Variants in EPHA3 observed in about 807,000 individuals in gnomAD.
EPHA3 encodes EPH receptor A3, also known as ephrin type-A receptor 3.
A neutral mutation model predicts 107.1 loss-of-function variants in EPHA3; 42 were observed. That is an observed-to-expected ratio of 0.39 (90% CI 0.31 to 0.51). EPHA3 has a LOEUF of 0.51. Among genes scored for constraint, EPHA3 ranks in the 20% least tolerant of loss-of-function variants. The pLI is 0.78. For synonymous variants in EPHA3, 461 were observed against 424.8 expected (o/e 1.09, Z -1.05); for missense variants, 1,183 against 1,211.2 (o/e 0.98, Z 0.35).
chr3:89,429,221 G>A (rs1709514435), intron 12 of EPHA3, 54 bp downstream of exon 12: 1 of 1,370,030 alleles, frequency 7.3e-7, no homozygotes, highest in African/African-American at 1.4e-5. Flanking sequence ...GAAAACATTA[G>A]AGACACCCTC....
At chr3:89,315,283 T>A (rs1036293381) in intron 3 of EPHA3, among the ~76,000 whole-genome samples, 17 of 151,842 alleles carry the variant, frequency 1.1e-4, no homozygotes, top group African/African-American at 3.9e-4. Flanking sequence ...TATCTTATAA[T>A]GACAGTGTAT....
At chr3:89,376,069 A>G (rs2107477690) in intron 5 of EPHA3, among the ~76,000 whole-genome samples, 1 of 152,052 alleles carries the variant, frequency 6.6e-6, no homozygotes, top group Non-Finnish European at 1.5e-5. Context: ...TACTTTAATA[A>G]TTTTTACTAA....
intron 3 of EPHA3, among the ~76,000 whole-genome samples, chr3:89,315,029 C>T (rs867402788): frequency 8.6e-5 from 13 of 151,896 alleles, no homozygotes; most frequent in Middle Eastern, 3.4e-3. Flanking sequence ...GAAATAATAA[C>T]ACACTGGTAT....
intron 3 of EPHA3, among the ~76,000 whole-genome samples, chr3:89,325,018 C>T (rs1161442952): frequency 6.6e-6 from 1 of 152,132 alleles, no homozygotes; most frequent in East Asian, 1.9e-4. Context: ...CATGTTGCTG[C>T]AAAGGACATG....
chr3:89,450,275 G>C lies in EPHA3; in HGVS notation c.2595G>C (p.Arg865Ser), dbSNP rs554106434. Reference sequence around the variant, plus strand: ...TGCTGGACTGCTGGCAGAAAGACAGGAACAACAGACCCAAGTTTGAGCAGA... The same window carrying C: ...TGCTGGACTGCTGGCAGAAAGACAGCAACAACAGACCCAAGTTTGAGCAGA... Reference protein sequence around the residue: ...QLMLDCWQKDRNNRPKFEQIV... With the variant: ...QLMLDCWQKDSNNRPKFEQIV... The change falls in exon 15 of 17, where the codon AGG becomes AGC. Residue 865 changes from arginine (R) to serine (S), a missense_variant. Transcript: ENST00000336596. The C allele has an allele frequency of 6.2e-7, 1 of 1,614,004 alleles. No homozygotes were observed. The highest frequency in any genetic ancestry group is 8.5e-7 in the Non-Finnish European group (1 of 1,179,950).
At position 89,431,326 on chromosome 3, in the gene EPHA3, G is replaced by A. The variant is rs1709564876; in HGVS notation, c.2313G>A (p.Leu771=). Residue 771 remains leucine (L), a synonymous_variant, in exon 13 of 17, where the codon CTG becomes CTA. Transcript: ENST00000336596. ...CTGATTTCGGACTTTCGCGTGTCCT[G>A]GAGGATGACCCAGAAGCTGCTTATA... ...KVSDFGLSRV[L]EDDPEAAYTT... is the part of the protein sequence containing the mutation. The A allele has an allele frequency of 6.2e-7, 1 of 1,613,554 alleles. No individual in the cohort carries two copies. Among genetic ancestry groups the A allele is most frequent in the Non-Finnish European group, 8.5e-7 (1 of 1,179,870 alleles).
At chr3:89,472,134 C>A (rs1183067143) in intron 15 of EPHA3, among the ~76,000 whole-genome samples, 1 of 152,096 alleles carries the variant, frequency 6.6e-6, no homozygotes, top group Non-Finnish European at 1.5e-5. Flanking sequence ...CTACTGTAAC[C>A]GTATCCTAAA....
chr3:89,383,103 T>C (rs2107487530), intron 5 of EPHA3, among the ~76,000 whole-genome samples: 1 of 152,336 alleles, frequency 6.6e-6, no homozygotes, highest in South Asian at 2.1e-4. Context: ...CTTTCACAAA[T>C]ATATATCCTC....
chr3:89,389,774 G>A (rs1445459809), intron 5 of EPHA3, among the ~76,000 whole-genome samples: 1 of 152,148 alleles, frequency 6.6e-6, no homozygotes, highest in East Asian at 1.9e-4. Context: ...TGTGAATGAC[G>A]CAAGTCTCAT....
At position 89,127,184 on chromosome 3, in the gene EPHA3, G is replaced by T. The variant is rs138358922; in HGVS notation, c.89-25G>T. The T allele has an allele frequency of 3.5e-3, 5,478 of 1,573,094 alleles. 40 individuals carry two copies. The highest frequency in any genetic ancestry group is 0.025 in the East Asian group (1,103 of 44,572). On this transcript the variant is annotated intron_variant, in intron 1 of 16. Coordinates refer to ENST00000336596, the MANE Select transcript of EPHA3 (RefSeq NM_005233.6). ...GAAATAATTCACTGTTATTAACTGT[G>T]TTTGTGTATTATGTTTTATTTTAGT... is the stretch of plus-strand genomic sequence containing the variant.
At chr3:89,127,426 A>G (rs936012903) in intron 2 of EPHA3, among the ~76,000 whole-genome samples, 153 bp downstream of exon 2, 3 of 151,996 alleles carry the variant, frequency 2.0e-5, no homozygotes, top group African/African-American at 7.2e-5. Flanking sequence ...CCACAGCTTG[A>G]CATTTGTGTC....
chr3:89,136,330 CTTTT>C (rs67054298), intron 2 of EPHA3, among the ~76,000 whole-genome samples: 5 of 23,382 alleles, frequency 2.1e-4, no homozygotes, highest in African/African-American at 5.0e-4. Flanking sequence ...ATCTTACAGG[CTTTT>C]TTTTTTTTTT....
intron 2 of EPHA3, among the ~76,000 whole-genome samples, chr3:89,191,658 G>A: frequency 6.6e-6 from 1 of 152,036 alleles, no homozygotes; most frequent in Non-Finnish European, 1.5e-5. Context: ...TTAAAATAAA[G>A]CTTATGTTTA....
At chr3:89,150,482 C>A (rs958487921) in intron 2 of EPHA3, among the ~76,000 whole-genome samples, 9 of 152,094 alleles carry the variant, frequency 5.9e-5, no homozygotes, top group African/African-American at 2.2e-4. Flanking sequence ...TACCCATGCA[C>A]CTCATTTGGG....
At chr3:89,341,530 GTATCCT>G (rs1707520528) in intron 4 of EPHA3, among the ~76,000 whole-genome samples, 1 of 152,152 alleles carries the variant, frequency 6.6e-6, no homozygotes, top group Admixed American at 6.6e-5. Context: ...ATTTGTGAAT[GTATCCT>G]TACCTTTGAG....
At chr3:89,276,411 G>A (rs920439512) in intron 3 of EPHA3, among the ~76,000 whole-genome samples, 2 of 152,098 alleles carry the variant, frequency 1.3e-5, no homozygotes, top group African/African-American at 4.8e-5. Context: ...CATTTTGATT[G>A]AGTAGGAAGG....
intron 2 of EPHA3, among the ~76,000 whole-genome samples, chr3:89,192,419 A>G (rs2107143222): frequency 6.6e-6 from 1 of 152,142 alleles, no homozygotes; most frequent in Middle Eastern, 3.4e-3. Context: ...GAAGCAGGAA[A>G]CTATAATAAT....
Position 89,356,497 on chromosome 3 carries a change from T to A in EPHA3, c.1306+14407T>A, listed in dbSNP as rs768908906. ...TCTCCACATCCTCTCCAGCACCTGT[T>A]GTTTCCTGACTTTTTAATGATTGCC... On this transcript the variant is annotated intron_variant, in intron 5 of 16. Transcript: ENST00000336596. 5.3e-5 allele frequency among the ~76,000 whole-genome samples: 8 copies of A among 151,246 alleles called. 1 individual carries two copies. Among genetic ancestry groups the A allele is most frequent in the Non-Finnish European group, 1.2e-4 (8 of 67,564 alleles).
At chr3:89,359,594 T>C (rs1262382598) in intron 5 of EPHA3, among the ~76,000 whole-genome samples, 1 of 149,946 alleles carries the variant, frequency 6.7e-6, no homozygotes, top group Non-Finnish European at 1.5e-5. Context: ...TTTTAAATTG[T>C]GATACATTTT....
Sources: allele counts gnomAD v4.1 joint callset (sites outside exome capture counted in the v4.1 genomes callset), GRCh38; gene constraint gnomAD v4.1.1; transcripts MANE v1.5; gene names NCBI Gene and HGNC (gene_info 2026-07-23, HGNC 2026-07-21).